Variants in EIF3B observed in about 807,000 individuals in gnomAD.
The protein encoded by EIF3B is eukaryotic translation initiation factor 3 subunit B.
A neutral mutation model predicts 104.6 loss-of-function variants in EIF3B; 10 were observed. The observed-to-expected ratio is 0.10, with a 90% CI of 0.06 to 0.16. The LOEUF is 0.16. Among genes scored for constraint, EIF3B ranks in the 10% least tolerant of loss-of-function variants. The pLI is 1.00. For synonymous variants in EIF3B, 542 were observed against 417.2 expected (o/e 1.30, Z -3.65); for missense variants, 1,014 against 1,087.9 (o/e 0.93, Z 0.96).
In EIF3B at chr7:2,355,110, G is replaced by T; in HGVS notation, c.189G>T (p.Glu63Asp). Residue 63 changes from glutamate to aspartate, a missense_variant, in exon 1 of 19, where the codon GAG becomes GAT. Glu to Asp is a conservative substitution (Grantham distance 45). Around this residue, in one of 4 missense-constraint regions of EIF3B, gnomAD observed 488 missense variants for 404.3 expected, o/e 1.21. Transcript: ENST00000360876. ...TGGGGATCGCGGAGGCCGGGCCGGAGTCCGAGGTGAGGACCGAGCCGGCGG... is the reference window on the plus strand; with the variant it reads ...TGGGGATCGCGGAGGCCGGGCCGGATTCCGAGGTGAGGACCGAGCCGGCGG... ...EEVGIAEAGP[E>D]SEVRTEPAAE... The T allele has an allele frequency of 7.3e-7, 1 of 1,367,482 alleles. No homozygotes were observed. The highest frequency in any genetic ancestry group is 9.4e-7 in the Non-Finnish European group (1 of 1,066,854). The allele number at this position is 1,367,482 out of a possible 1,614,324, so 84.7% of individuals were successfully genotyped here. A position where few individuals can be genotyped will look rare whatever the true frequency, so the allele number is the denominator to read the frequency against.
At position 2,364,219 on chromosome 7, in the gene EIF3B, G is replaced by A. The variant is rs188647183; in HGVS notation, c.1000-153G>A. The A allele has an allele frequency of 9.9e-4, 650 of 658,790 alleles. 2 individuals carry two copies. Among genetic ancestry groups the A allele is most frequent in the South Asian group, 3.8e-3 (175 of 45,890 alleles). The allele number at this position is 658,790 out of a possible 1,614,324, so 40.8% of individuals were successfully genotyped here. On this transcript the variant is annotated intron_variant, in intron 5 of 18. Coordinates refer to ENST00000360876, the MANE Select transcript of EIF3B (RefSeq NM_001037283.2). Reference sequence around the variant, plus strand: ...GGAGCTTGCAGTGAGCTGAGATTGCGCCACTGCACTCCAGCCTGGGAGACA... The same window carrying A: ...GGAGCTTGCAGTGAGCTGAGATTGCACCACTGCACTCCAGCCTGGGAGACA...
intron 5 of EIF3B, among the ~76,000 whole-genome samples, chr7:2,364,081 G>C (rs1779880577): frequency 6.6e-6 from 1 of 152,164 alleles, no homozygotes; most frequent in Admixed American, 6.6e-5. Flanking sequence ...CTAACACGGT[G>C]AAACCCCGTC....
intron 1 of EIF3B, among the ~76,000 whole-genome samples, chr7:2,357,636 C>G (rs1382132610): frequency 6.6e-6 from 1 of 152,188 alleles, no homozygotes; most frequent in South Asian, 2.1e-4. Flanking sequence ...ATTAACTATT[C>G]TTTCTCTTTC....
At chr7:2,374,757 C>A (rs1019809117) in intron 13 of EIF3B, 151 bp downstream of exon 13, 16 of 637,516 alleles carry the variant, frequency 2.5e-5, no homozygotes, top group East Asian at 1.4e-4. Context: ...CTTCATTGAA[C>A]CTCTGCAGAC....
intron 1 of EIF3B, among the ~76,000 whole-genome samples, chr7:2,356,754 C>A (rs1779468287): frequency 1.3e-5 from 2 of 151,930 alleles, no homozygotes; most frequent in Non-Finnish European, 2.9e-5. Context: ...GAGCCTAGAT[C>A]CCACCACTGC....
At chr7:2,354,772 G>A, upstream of EIF3B, 2 of 723,338 alleles carry the variant, frequency 2.8e-6, no homozygotes, top group Non-Finnish European at 3.4e-6. Context: ...AGGCCCCAGG[G>A]CGTGGGTGCG....
intron 1 of EIF3B, among the ~76,000 whole-genome samples, chr7:2,359,816 C>A (rs1779636910): frequency 6.6e-6 from 1 of 152,146 alleles, no homozygotes; most frequent in Non-Finnish European, 1.5e-5. Context: ...TTAGAGGACA[C>A]CCAGCTGGTG....
intron 14 of EIF3B, 61 bp downstream of exon 14, chr7:2,375,588 C>T (rs944449971): frequency 6.2e-6 from 10 of 1,609,244 alleles, no homozygotes; most frequent in African/African-American, 2.7e-5. Flanking sequence ...TGGCTAGCTG[C>T]TGACTCTGGT....
chr7:2,360,086 A>G (rs1211357792), intron 1 of EIF3B, among the ~76,000 whole-genome samples: 2 of 152,150 alleles, frequency 1.3e-5, no homozygotes, highest in African/African-American at 2.4e-5. Flanking sequence ...TCCCCTGTGA[A>G]TGGCCATCCA....
rs1220829493 is a variant in EIF3B, at chr7:2,366,362, T to C, written c.1203T>C (p.Pro401=). 1.4e-5 allele frequency: 22 copies of C among 1,613,694 alleles called. No homozygotes were observed. In the Admixed American group the frequency reaches 3.7e-4, roughly 27 times the overall value. Residue 401 remains proline, a synonymous_variant, in exon 7 of 19, where the codon CCT becomes CCC. Transcript: ENST00000360876. ...FSPLMDTQDD[P]QAIIIWDILT... is the part of the protein sequence containing the mutation. The stretch of plus-strand genomic sequence containing the variant: ...CCCTGATGGACACGCAGGATGACCC[T>C]CAGGCCATAATCATCTGGGACATCC...
At chr7:2,361,556 A>T (rs535386328) in intron 2 of EIF3B, among the ~76,000 whole-genome samples, 12 of 152,024 alleles carry the variant, frequency 7.9e-5, no homozygotes, top group African/African-American at 2.9e-4. Context: ...AGTAGCTGGG[A>T]CTACTGGCGC....
intron 14 of EIF3B, chr7:2,376,235 C>T (rs1133115): frequency 6.6e-6 from 1 of 152,170 alleles, no homozygotes; most frequent in Non-Finnish European, 1.5e-5. Context: ...TGGCTCACAC[C>T]TGTAATCCCA....
intron 6 of EIF3B, 29 bp downstream of exon 6, chr7:2,364,558 CTA>C (rs1562480800): frequency 2.5e-6 from 4 of 1,593,120 alleles, no homozygotes; most frequent in African/African-American, 2.7e-5. Flanking sequence ...ACAGGGGAGT[CTA>C]TGCATTTCAC....
intron 11 of EIF3B, chr7:2,372,070 G>C (rs2115323883): frequency 3.9e-6 from 2 of 517,842 alleles, no homozygotes; most frequent in Admixed American, 6.4e-5. Flanking sequence ...AGCCAGGTGT[G>C]GTGGTGCGCA....
chr7:2,370,002 C>A (rs1780239142), intron 10 of EIF3B, among the ~76,000 whole-genome samples: 1 of 152,032 alleles, frequency 6.6e-6, no homozygotes, highest in South Asian at 2.1e-4. Flanking sequence ...GTCTTGAACT[C>A]CTGACCTTAG....
At position 2,375,442 on chromosome 7, in the gene EIF3B, T is replaced by C; in HGVS notation, c.1943T>C (p.Ile648Thr). The C allele has an allele frequency of 1.2e-6, 2 of 1,614,230 alleles. No homozygotes were observed. Among genetic ancestry groups the C allele is most frequent in the Non-Finnish European group, 1.7e-6 (2 of 1,180,034 alleles). Reference protein sequence around the residue: ...VDTSDCTVMNIAEHYMASDVE... With the variant: ...VDTSDCTVMNTAEHYMASDVE... Reference sequence around the variant, plus strand: ...ACTTCGGACTGCACGGTCATGAACATCGCAGAGCACTACATGGCTTCCGAC... The same window carrying C: ...ACTTCGGACTGCACGGTCATGAACACCGCAGAGCACTACATGGCTTCCGAC... Residue 648 changes from isoleucine to threonine, a missense_variant, in exon 14 of 19, where the codon ATC becomes ACC. Physicochemically the swap from Ile to Thr is moderately conservative, Grantham distance 89. Around this residue, in one of 4 missense-constraint regions of EIF3B, gnomAD observed 266 missense variants for 324.0 expected, o/e 0.82. Coordinates refer to ENST00000360876, the MANE Select transcript of EIF3B (RefSeq NM_001037283.2).
chr7:2,375,617 G>A (rs946401132), intron 14 of EIF3B, 90 bp downstream of exon 14: 3 of 1,571,420 alleles, frequency 1.9e-6, no homozygotes, highest in African/African-American at 1.3e-5. Context: ...GGGACCTCAG[G>A]GAAGGGGCAC....
chr7:2,363,464 CTG>C lies in EIF3B; in HGVS notation c.871-166_871-165del, dbSNP rs564762758. 3.8e-3 allele frequency among the ~76,000 whole-genome samples: 576 copies of C among 151,850 alleles called. 2 individuals carry two copies. The highest frequency in any genetic ancestry group is 0.013 in the African/African-American group (538 of 41,428). On this transcript the variant is annotated intron_variant, in intron 4 of 18. Coordinates refer to ENST00000360876, the MANE Select transcript of EIF3B (RefSeq NM_001037283.2). ...CTCCAGCCTGGGCAACAGCGTGACT[CTG>C]TCTCAAAAAAAAAAGAAATGCTAGA...
At chr7:2,379,296 C>G in intron 17 of EIF3B, 54 bp downstream of exon 17, 1 of 1,566,584 alleles carries the variant, frequency 6.4e-7, no homozygotes, top group Non-Finnish European at 8.7e-7. Context: ...TGCCCCTGGG[C>G]CCTGGTGCCC....
Sources: allele counts gnomAD v4.1 joint callset (sites outside exome capture counted in the v4.1 genomes callset), GRCh38; gene constraint gnomAD v4.1.1; regional missense constraint gnomAD v4.1.1; transcripts MANE v1.5; gene names NCBI Gene and HGNC (gene_info 2026-07-23, HGNC 2026-07-21).